NSG2: variants seen among roughly 807,000 people sequenced by gnomAD.
NSG2 encodes the protein neuronal vesicle trafficking associated 2.
NSG2 carries 4 observed loss-of-function variants against 16.9 expected under a neutral mutation model. The ratio of observed to expected loss-of-function variants is 0.24; its 90% CI spans 0.12 to 0.54. The LOEUF is 0.54. Ranked by LOEUF, NSG2 falls within the 20% of genes least tolerant of loss-of-function variation. The pLI, the probability that NSG2 is intolerant of heterozygous loss-of-function variation, is 0.95. For missense variants in NSG2, 179 were observed against 221.1 expected, an observed-to-expected ratio of 0.81 and a Z score of 1.21; for synonymous variants, 98 against 88.7, an observed-to-expected ratio of 1.11 and a Z score of -0.59.
intron 3 of NSG2, among the ~76,000 whole-genome samples, chr5:174,089,353 AGTCC>A (rs1270599862): frequency 3.3e-5 from 5 of 152,168 alleles, no homozygotes; most frequent in African/African-American, 1.2e-4. Context: ...GCAAGGAGGC[AGTCC>A]AAAGTGTACG....
At chr5:174,097,851 G>A (rs970200373) in intron 3 of NSG2, among the ~76,000 whole-genome samples, 4 of 151,626 alleles carry the variant, frequency 2.6e-5, no homozygotes, top group African/African-American at 9.7e-5. Flanking sequence ...GTCTGTGTGT[G>A]TGTGTGTGTG....
chr5:174,057,539 G>A (rs918891234), intron 2 of NSG2, among the ~76,000 whole-genome samples: 3 of 152,194 alleles, frequency 2.0e-5, no homozygotes, highest in African/African-American at 7.2e-5. Context: ...GACTTTGTAG[G>A]GTTGTATTTT....
At chr5:174,100,897 G>T (rs1760887847) in intron 3 of NSG2, among the ~76,000 whole-genome samples, 1 of 152,262 alleles carries the variant, frequency 6.6e-6, no homozygotes, top group Admixed American at 6.5e-5. Context: ...CATGTTGGGA[G>T]GTCTTGCCCA....
At chr5:174,066,260 G>A in intron 3 of NSG2, 1 of 455,714 alleles carries the variant, frequency 2.2e-6, no homozygotes. Flanking sequence ...CTGCGTACAA[G>A]TACTTGCAGG....
At chr5:174,102,848 G>A (rs541808816) in intron 3 of NSG2, among the ~76,000 whole-genome samples, 7 of 151,070 alleles carry the variant, frequency 4.6e-5, no homozygotes, top group African/African-American at 1.7e-4. Context: ...GCACAAGCTC[G>A]GCTCACTGCA....
chr5:174,100,149 C>T (rs1760876653), intron 3 of NSG2, among the ~76,000 whole-genome samples: 2 of 152,320 alleles, frequency 1.3e-5, no homozygotes, highest in African/African-American at 2.4e-5. Context: ...GTTAGCCCTG[C>T]TTGGGCAGAA....
At chr5:174,049,433 GCACGCGCACGTGCA>G (rs1759852955) in intron 2 of NSG2, among the ~76,000 whole-genome samples, 1 of 113,636 alleles carries the variant, frequency 8.8e-6, no homozygotes, top group Non-Finnish European at 1.8e-5. Context: ...AGCTATATGT[GCACGCGCACGTGCA>G]CACACACACA....
chr5:174,105,058 C>T (rs530766085), intron 4 of NSG2, among the ~76,000 whole-genome samples: 1 of 152,294 alleles, frequency 6.6e-6, no homozygotes, highest in East Asian at 1.9e-4. Context: ...TGCTGAGTAT[C>T]TCTAATACAT....
At chr5:174,064,162 T>C in intron 2 of NSG2, 70 bp from the exon 3 acceptor site, 2 of 1,053,106 alleles carry the variant, frequency 1.9e-6, no homozygotes, top group Non-Finnish European at 2.7e-6. Context: ...TAAATTCTGG[T>C]TACTGAAAAA....
intron 3 of NSG2, among the ~76,000 whole-genome samples, chr5:174,080,081 A>G (rs1561668433): frequency 1.3e-5 from 2 of 152,126 alleles, no homozygotes; most frequent in African/African-American, 4.8e-5. Flanking sequence ...CTTGACATAC[A>G]ACCTTTAAAA....
At chr5:174,100,642 A>G (rs890149653) in intron 3 of NSG2, among the ~76,000 whole-genome samples, 7 of 152,056 alleles carry the variant, frequency 4.6e-5, no homozygotes, top group African/African-American at 1.7e-4. Flanking sequence ...TTCCAGAAGC[A>G]TTTGCTGGAG....
chr5:174,070,040 G>T (rs1760209460), intron 3 of NSG2, among the ~76,000 whole-genome samples: 4 of 151,884 alleles, frequency 2.6e-5, no homozygotes, highest in African/African-American at 7.3e-5. Context: ...ACCATGCTCG[G>T]CTAATTTAAA....
At chr5:174,083,113 T>A (rs1171609184) in intron 3 of NSG2, among the ~76,000 whole-genome samples, 1 of 152,190 alleles carries the variant, frequency 6.6e-6, no homozygotes, top group Admixed American at 6.5e-5. Context: ...TACTCTCTCC[T>A]TCCAGGCTGG....
chr5:174,083,861 A>G (rs904413429), intron 3 of NSG2, among the ~76,000 whole-genome samples: 1 of 152,208 alleles, frequency 6.6e-6, no homozygotes, highest in Admixed American at 6.5e-5. Context: ...TGATGGGGAC[A>G]TTATTGTAAT....
At chr5:174,086,725 G>A (rs761663287) in intron 3 of NSG2, among the ~76,000 whole-genome samples, 3 of 152,206 alleles carry the variant, frequency 2.0e-5, no homozygotes, top group Admixed American at 1.3e-4. Flanking sequence ...TCTCCATCCT[G>A]TAAGAGGTTC....
At chr5:174,097,843 CTG>C (rs111292177) in intron 3 of NSG2, among the ~76,000 whole-genome samples, 2,677 of 143,800 alleles carry the variant, frequency 0.019, 31 homozygotes, top group Non-Finnish European at 0.022. Context: ...TTGTGTGTGT[CTG>C]TGTGTGTGTG....
chr5:174,100,564 C>T (rs942087669), intron 3 of NSG2, among the ~76,000 whole-genome samples: 2 of 152,190 alleles, frequency 1.3e-5, no homozygotes, highest in African/African-American at 4.8e-5. Context: ...AGCTCCTCAG[C>T]TGCTTCTAAT....
At chr5:174,052,740 C>T (rs1037817800) in intron 2 of NSG2, among the ~76,000 whole-genome samples, 5 of 152,134 alleles carry the variant, frequency 3.3e-5, no homozygotes, top group Non-Finnish European at 5.9e-5. Context: ...GAAACAGGCT[C>T]AGACAGGTGG....
intron 3 of NSG2, among the ~76,000 whole-genome samples, chr5:174,069,599 G>A (rs1048756765): frequency 1.4e-4 from 21 of 152,126 alleles, no homozygotes; most frequent in African/African-American, 3.1e-4. Context: ...TTTGGTGCAC[G>A]CTAGGGGCTT....
Sources: gnomAD v4.1 joint callset for allele counts (sites outside exome capture counted in the v4.1 genomes callset) on GRCh38, gnomAD v4.1.1 for gene constraint, MANE v1.5 for transcripts, NCBI Gene and HGNC (gene_info 2026-07-23, HGNC 2026-07-21) for gene names.